The following COL6A1 variants were observed in gnomAD, a reference collection of about 807,000 sequenced individuals.
The protein encoded by COL6A1 is collagen alpha-1(VI) chain.
In COL6A1, 80 loss-of-function variants were observed where a neutral mutation model predicts 145.6. The observed-to-expected ratio is 0.55, with a 90% CI of 0.46 to 0.66. The LOEUF (loss-of-function observed/expected upper bound fraction) is 0.66. Among genes scored for constraint, COL6A1 ranks in the 30% least tolerant of loss-of-function variants. The pLI is 0.00. For synonymous variants in COL6A1, 638 were observed against 622.8 expected, an observed-to-expected ratio of 1.02 and a Z score of -0.36; for missense variants, 1,364 against 1,473.8, an observed-to-expected ratio of 0.93 and a Z score of 1.22.
chr21:45,989,829 T>C (rs372692492), intron 11 of COL6A1, 51 bp downstream of exon 11: 25 of 1,610,970 alleles, frequency 1.6e-5, no homozygotes, highest in Non-Finnish European at 2.1e-5. Flanking sequence ...AGATGTGCCA[T>C]CCTGGACGAG....
At position 46,001,454 on chromosome 21, in the gene COL6A1, C is replaced by T. The variant is rs922694532; in HGVS notation, c.1956+68C>T. Reference sequence around the variant, plus strand: ...CCCGACCCTGCCGGCCGCCCCTGCCCGCGCCAGACCTCAGCCTCCCGAGGC... The same window carrying T: ...CCCGACCCTGCCGGCCGCCCCTGCCTGCGCCAGACCTCAGCCTCCCGAGGC... On this transcript the variant is annotated intron_variant, in intron 30 of 34. Transcript: ENST00000361866. The T allele has an allele frequency of 2.6e-4, 415 of 1,587,664 alleles. 2 individuals carry two copies. In the South Asian group the frequency reaches 4.0e-3, roughly 15 times the overall value.
chr21:45,986,989 A>G lies in COL6A1; in HGVS notation c.634A>G (p.Asn212Asp). ...IIATDHTYRR[N>D]FTAADWGQSR... Reference sequence around the variant, plus strand: ...CGCCACGGACCACACGTACCGGCGCAACTTCACGGCGGCTGACTGGGGCCA... The same window carrying G: ...CGCCACGGACCACACGTACCGGCGCGACTTCACGGCGGCTGACTGGGGCCA... Residue 212 changes from asparagine (N) to aspartate (D), a missense_variant, in exon 5 of 35, where the codon AAC (asparagine) becomes GAC (aspartate). By Grantham distance (23) the Asn-to-Asp change is conservative. Coordinates refer to ENST00000361866, the MANE Select transcript of COL6A1 (RefSeq NM_001848.3). The G allele has an allele frequency of 1.3e-6, 2 of 1,552,208 alleles. No individual in the cohort carries two copies.
chr21:45,981,803 G>A lies in COL6A1; in HGVS notation c.-48G>A. Reference sequence around the variant, plus strand: ...GCCTCGGTCTCTGGGCGGCGGCGGCGGCCCACTCTGCCCTGGCCGCGCTGT... The same window carrying A: ...GCCTCGGTCTCTGGGCGGCGGCGGCAGCCCACTCTGCCCTGGCCGCGCTGT... On this transcript the variant is annotated 5_prime_UTR_variant, in exon 1 of 35. Transcript: ENST00000361866. 6.9e-7 allele frequency: 1 copy of A among 1,439,044 alleles called. No homozygotes were observed. 89.1% of individuals were successfully genotyped at this position (1,439,044 alleles called of 1,614,324 possible).
chr21:45,992,188 C>G lies in COL6A1; in HGVS notation c.1207C>G (p.Pro403Ala). The G allele has an allele frequency of 6.2e-7, 1 of 1,613,806 alleles. No homozygotes were observed. The highest frequency in any genetic ancestry group is 8.5e-7 in the Non-Finnish European group (1 of 1,180,008). Reference sequence around the variant, plus strand: ...GGGCCAGCCGGGAGAGCCTGGGCCCCCCGGAGAGAAAGGAGAGGCGGGCGA... The same window carrying G: ...GGGCCAGCCGGGAGAGCCTGGGCCCGCCGGAGAGAAAGGAGAGGCGGGCGA... ...DEGQPGEPGPPGEKGEAGDEG... is the reference protein window; with the variant it reads ...DEGQPGEPGPAGEKGEAGDEG... Residue 403 changes from proline to alanine, a missense_variant, in exon 17 of 35, where the codon CCC becomes GCC. Pro to Ala is a conservative substitution (Grantham distance 27, BLOSUM62 -1). Around this residue, in one of 3 missense-constraint regions of COL6A1, gnomAD observed 938 missense variants for 1,003.8 expected, o/e 0.93. Transcript: ENST00000361866.
Position 45,987,529 on chromosome 21 carries a change from C to G in COL6A1, c.759+10C>G. ...CTCCTTCGAATGCCAGGTGAGTGTG[C>G]CCCCCGACCCCTGACCCCGCGCCCT... On this transcript the variant is annotated intron_variant, in intron 7 of 34. Coordinates refer to ENST00000361866, the MANE Select transcript of COL6A1 (RefSeq NM_001848.3). 1 of 1,612,446 alleles carries G rather than the reference C, an allele frequency of 6.2e-7. No individual in the cohort carries two copies.
chr21:45,993,683 G>A (rs1294430743), intron 19 of COL6A1, among the ~76,000 whole-genome samples: 1 of 152,160 alleles, frequency 6.6e-6, no homozygotes, highest in Non-Finnish European at 1.5e-5. Context: ...CTCCCCAGAA[G>A]CGCACAGCCC....
rs1431000637 is a variant in COL6A1 at position 46,004,750 on chromosome 21, G to T, written c.*737G>T. 1 of 442,304 alleles carries T rather than the reference G, an allele frequency of 2.3e-6. No individual in the cohort carries two copies. The highest frequency in any genetic ancestry group is 7.3e-5 in the East Asian group (1 of 13,702). 27.4% of individuals were successfully genotyped at this position (442,304 alleles called of 1,614,324 possible). On this transcript the variant is annotated 3_prime_UTR_variant, in exon 35 of 35. Transcript: ENST00000361866. ...CTGACCAGCACTGACCCCGACCTCA[G>T]AGAGTACTCGCAGGGGCGCTGGCTG... is the stretch of plus-strand genomic sequence containing the variant.
At chr21:45,991,465 G>T (rs2077776856) in intron 15 of COL6A1, among the ~76,000 whole-genome samples, 1 of 151,868 alleles carries the variant, frequency 6.6e-6, no homozygotes, top group South Asian at 2.1e-4. Flanking sequence ...GTGGTGAGCG[G>T]GTGGGAGGGC....
At position 46,003,438 on chromosome 21, in the gene COL6A1, G is replaced by A. The variant is rs529770550; in HGVS notation, c.2512G>A (p.Ala838Thr). The A allele has an allele frequency of 3.3e-5, 53 of 1,603,742 alleles. No individual in the cohort carries two copies. The highest frequency in any genetic ancestry group is 5.0e-5 in the Admixed American group (3 of 59,972). Residue 838 changes from alanine to threonine, a missense_variant, in exon 35 of 35, where the codon GCC becomes ACC. Transcript: ENST00000361866. ...CATCACCATCCTGCTGGACGGCTCC[G>A]CCAGCGTGGGCAGCCACAACTTTGA... ...ADITILLDGS[A>T]SVGSHNFDTT...
At chr21:45,998,026 G>T in intron 22 of COL6A1, 95 bp from the exon 23 acceptor site, 1 of 1,474,492 alleles carries the variant, frequency 6.8e-7, no homozygotes, top group South Asian at 1.2e-5. Flanking sequence ...GCTGACGGAG[G>T]GGCCCTGCGG....
chr21:45,991,562 C>G (rs868534631), intron 15 of COL6A1, among the ~76,000 whole-genome samples: 1 of 152,180 alleles, frequency 6.6e-6, no homozygotes, highest in South Asian at 2.1e-4. Context: ...GGTGTTTTCT[C>G]TGGAGTTTCT....
intron 27 of COL6A1, among the ~76,000 whole-genome samples, 198 bp downstream of exon 27, chr21:45,999,890 C>A (rs8131227): frequency 1.1e-5 from 1 of 90,650 alleles, no homozygotes; most frequent in African/African-American, 4.3e-5. Flanking sequence ...TGTGTGAGGA[C>A]CATAGAGGGG....
At position 45,987,481 on chromosome 21, in the gene COL6A1, C is replaced by T. The variant is rs144843800; in HGVS notation, c.739-18C>T. ...CGTGGCTTTCCCACTGACTCGTCTC[C>T]ATGCTTTCCCCCCACAGTGCTGCTC... is the stretch of plus-strand genomic sequence containing the variant. On this transcript the variant is annotated intron_variant, in intron 6 of 34. Transcript: ENST00000361866. 4.8e-3 allele frequency: 7,815 copies of T among 1,613,034 alleles called. 60 individuals are homozygous for T. Among genetic ancestry groups the T allele is most frequent in the Non-Finnish European group, 4.3e-3 (5,112 of 1,179,980 alleles).
chr21:45,982,400 G>A (rs1005991916), intron 1 of COL6A1, among the ~76,000 whole-genome samples: 2 of 152,230 alleles, frequency 1.3e-5, no homozygotes, highest in African/African-American at 4.8e-5. Context: ...CCCTTCGGGG[G>A]AGGTTGTGAA....
intron 33 of COL6A1, 134 bp from the exon 34 acceptor site, chr21:46,002,986 A>C: frequency 7.4e-7 from 1 of 1,346,644 alleles, no homozygotes; most frequent in Non-Finnish European, 1.1e-6. Context: ...TCCCACAGGC[A>C]TCCTCCTCCC....
rs779579183 is a variant in COL6A1, at chr21:45,984,239, C to T, written c.228-30C>T. The stretch of plus-strand genomic sequence containing the variant: ...TAGCGATGGCGCCAGGGGCCGCCCG[C>T]CTCACGCCCGCCGTGCCTGTTCCTG... On this transcript the variant is annotated intron_variant, in intron 2 of 34. Transcript: ENST00000361866. The T allele has an allele frequency of 8.9e-6, 14 of 1,580,700 alleles. No individual in the cohort carries two copies. In the South Asian group the frequency reaches 1.6e-4, roughly 18 times the overall value.
At chr21:45,999,944 CGTGTGAGGAT>C (rs1569518904) in intron 27 of COL6A1, among the ~76,000 whole-genome samples, 6 of 4,008 alleles carry the variant, frequency 1.5e-3, no homozygotes, top group African/African-American at 3.5e-3. Context: ...ATGGGGGGGA[CGTGTGAGGAT>C]CATGGGAGGA....
chr21:45,981,837 C>T lies in COL6A1; in HGVS notation c.-14C>T, dbSNP rs755621341. 1.3e-6 allele frequency: 2 copies of T among 1,567,358 alleles called. No homozygotes were observed. The highest frequency in any genetic ancestry group is 2.4e-5 in the East Asian group (1 of 41,888). ...TGCCCTGGCCGCGCTGTGTGGTGAC[C>T]GCAGGCCCCAGACATGAGGGCGGCC... On this transcript the variant is annotated 5_prime_UTR_variant, in exon 1 of 35. Coordinates refer to ENST00000361866, the MANE Select transcript of COL6A1 (RefSeq NM_001848.3).
rs376210029 is a variant in COL6A1, at chr21:45,991,240, G to A, written c.1119+199G>A. ...CCACCGTGGGGACAGTGGCCGTGGCGCTCCCGCCCAGAGCCTTCCCTGCAG... is the reference window on the plus strand; with the variant it reads ...CCACCGTGGGGACAGTGGCCGTGGCACTCCCGCCCAGAGCCTTCCCTGCAG... On this transcript the variant is annotated intron_variant, in intron 15 of 34. Transcript: ENST00000361866. 2.8e-3 allele frequency among the ~76,000 whole-genome samples: 424 copies of A among 152,328 alleles called. 1 individual carries two copies. Among genetic ancestry groups the A allele is most frequent in the Non-Finnish European group, 4.9e-3 (336 of 68,028 alleles).
Sources: allele counts gnomAD v4.1 joint callset (sites outside exome capture counted in the v4.1 genomes callset), GRCh38; gene constraint gnomAD v4.1.1; regional missense constraint gnomAD v4.1.1; transcripts MANE v1.5; gene names NCBI Gene and HGNC (gene_info 2026-07-23, HGNC 2026-07-21).